HELZ: variants seen among roughly 807,000 people sequenced by gnomAD.
The protein encoded by HELZ is helicase with zinc finger, also known as ATP-dependent RNA helicase with zinc finger domain.
HELZ carries 23 observed loss-of-function variants against 218.2 expected under a neutral mutation model. That is an observed-to-expected ratio of 0.11 (90% CI 0.08 to 0.15). HELZ has a LOEUF of 0.15. HELZ is among the 10% of genes least tolerant of loss of function. The pLI, the probability that HELZ is intolerant of heterozygous loss-of-function variation, is 1.00. For synonymous variants in HELZ, 814 were observed against 829.4 expected, an observed-to-expected ratio of 0.98 and a Z score of 0.32; for missense variants, 1,813 against 2,353.7, an observed-to-expected ratio of 0.77 and a Z score of 4.75.
chr17:67,150,125 T>TATTTA, intron 18 of HELZ, 140 bp from the exon 19 acceptor site: 1 of 480,962 alleles, frequency 2.1e-6, no homozygotes, highest in Non-Finnish European at 3.6e-6. Context: ...TTATTTATTT[T>TATTTA]CTTTCTTTTT....
At chr17:67,092,892 CG>C (rs61667024) in intron 31 of HELZ, among the ~76,000 whole-genome samples, 175 of 147,608 alleles carry the variant, frequency 1.2e-3, no homozygotes, top group African/African-American at 3.7e-3. Flanking sequence ...TTGAAACCGG[CG>C]GGGGGGGGAA....
intron 9 of HELZ, among the ~76,000 whole-genome samples, chr17:67,192,915 A>C (rs1265851573): frequency 6.6e-6 from 1 of 152,258 alleles, no homozygotes; most frequent in African/African-American, 2.4e-5. Flanking sequence ...TAAATTCTAC[A>C]TAAGAATTAC....
At chr17:67,111,554 T>C (rs2037280331) in intron 28 of HELZ, among the ~76,000 whole-genome samples, 1 of 152,158 alleles carries the variant, frequency 6.6e-6, no homozygotes, top group South Asian at 2.1e-4. Context: ...GCAGCTGGGG[T>C]ACACTTGGTG....
At position 67,136,029 on chromosome 17, in the gene HELZ, T is replaced by G; in HGVS notation, c.3123A>C (p.Ala1041=). Residue 1041 remains alanine, a synonymous_variant, in exon 23 of 33, where the codon GCA becomes GCC. Coordinates refer to ENST00000358691, the MANE Select transcript of HELZ (RefSeq NM_014877.4). ...YKLLNTAITR[A]QSLVAVVGDP... is the part of the protein sequence containing the mutation. Reference sequence around the variant, plus strand: ...CACCCACCACAGCAACCAGGGATTGTGCTCTTGTGATGGCAGTATTGAGAA... The same window carrying G: ...CACCCACCACAGCAACCAGGGATTGGGCTCTTGTGATGGCAGTATTGAGAA... The G allele has an allele frequency of 6.2e-7, 1 of 1,613,984 alleles. No individual in the cohort carries two copies. Among genetic ancestry groups the G allele is most frequent in the East Asian group, 2.2e-5 (1 of 44,836 alleles).
At chr17:67,130,990 AG>A (rs141146374) in intron 23 of HELZ, among the ~76,000 whole-genome samples, 1,605 of 152,278 alleles carry the variant, frequency 0.011, 31 homozygotes, top group African/African-American at 0.036. Flanking sequence ...CCTGGGCTCA[AG>A]CCTCTCGCCT....
At chr17:67,098,676 G>A (rs567932568) in intron 31 of HELZ, among the ~76,000 whole-genome samples, 3 of 152,162 alleles carry the variant, frequency 2.0e-5, no homozygotes, top group African/African-American at 7.2e-5. Context: ...CCTGGCAGGC[G>A]GAGGTTGCAG....
intron 31 of HELZ, among the ~76,000 whole-genome samples, chr17:67,089,475 G>A (rs1022613883): frequency 9.9e-5 from 15 of 151,632 alleles, no homozygotes; most frequent in South Asian, 4.2e-4. Context: ...AGCAGGCTCC[G>A]GGGAAGTATT....
intron 2 of HELZ, among the ~76,000 whole-genome samples, chr17:67,240,735 A>G (rs1447095844): frequency 6.6e-6 from 1 of 152,228 alleles, no homozygotes; most frequent in East Asian, 1.9e-4. Flanking sequence ...TTTTTTGTTC[A>G]AAGACAAGAT....
intron 3 of HELZ, among the ~76,000 whole-genome samples, chr17:67,239,150 C>T (rs532833238): frequency 3.3e-5 from 5 of 152,332 alleles, no homozygotes; most frequent in South Asian, 2.1e-4. Flanking sequence ...TCCAATAGCA[C>T]GCAGATAAGC....
At chr17:67,215,133 G>C (rs966463080) in intron 5 of HELZ, among the ~76,000 whole-genome samples, 1 of 151,720 alleles carries the variant, frequency 6.6e-6, no homozygotes, top group African/African-American at 2.4e-5. Context: ...GACAGAGCAA[G>C]ACTCTGTCTC....
chr17:67,211,976 A>T (rs1192251821), intron 5 of HELZ, among the ~76,000 whole-genome samples: 2 of 152,136 alleles, frequency 1.3e-5, no homozygotes, highest in Non-Finnish European at 2.9e-5. Flanking sequence ...GTAGGTCAGA[A>T]GCTGCAAGTG....
chr17:67,204,360 C>T lies in HELZ; in HGVS notation c.248-917G>A, dbSNP rs1389131158. On this transcript the variant is annotated intron_variant, in intron 5 of 32. Transcript: ENST00000358691. ...AGTTCATCATAATCTCACTACTCAA[C>T]GAAGTTTTCACTTACTCATTTTCTC... Among the ~76,000 whole-genome samples the T allele has an allele frequency of 3.3e-5, 5 of 152,120 alleles. No individual in the cohort carries two copies. The East Asian group carries it at 7.7e-4, about 23-fold the overall frequency.
At chr17:67,107,782 C>A in intron 30 of HELZ, 97 bp from the exon 31 acceptor site, 1 of 1,055,328 alleles carries the variant, frequency 9.5e-7, no homozygotes, top group South Asian at 1.6e-5. Flanking sequence ...CAAACAAAAT[C>A]ATAGTACTAA....
Position 67,078,072 on chromosome 17 carries a change from AAAT to A in HELZ, c.*177_*179del, listed in dbSNP as rs1334954480. On this transcript the variant is annotated 3_prime_UTR_variant, in exon 33 of 33. Coordinates refer to ENST00000358691, the MANE Select transcript of HELZ (RefSeq NM_014877.4). ...AAAGTTTTGACACATCAAAAATGCAAAATAATGGAATATACTTTAAAAAAATTA... is the reference window on the plus strand; with the variant it reads ...AAAGTTTTGACACATCAAAAATGCAAAATGGAATATACTTTAAAAAAATTA... 3 of 527,048 alleles carry A rather than the reference AAAT, an allele frequency of 5.7e-6. No homozygotes were observed. The highest frequency in any genetic ancestry group is 1.0e-5 in the Non-Finnish European group (3 of 299,936). The allele number at this position is 527,048 out of a possible 1,614,324, so 32.6% of individuals were successfully genotyped here. A position where few individuals can be genotyped will look rare whatever the true frequency, so the allele number is the denominator to read the frequency against.
intron 4 of HELZ, among the ~76,000 whole-genome samples, chr17:67,217,214 T>C (rs576077773): frequency 2.8e-4 from 43 of 152,312 alleles, no homozygotes; most frequent in South Asian, 2.7e-3. Context: ...TAACCTCAGT[T>C]GAAGGAAACA....
chr17:67,235,509 A>C (rs1433359408), intron 3 of HELZ, among the ~76,000 whole-genome samples: 1 of 151,762 alleles, frequency 6.6e-6, no homozygotes, highest in Non-Finnish European at 1.5e-5. Context: ...CCTCACAAAA[A>C]AAAAAAAAAG....
At chr17:67,104,788 A>C (rs2037045944) in intron 31 of HELZ, among the ~76,000 whole-genome samples, 1 of 152,236 alleles carries the variant, frequency 6.6e-6, no homozygotes, top group African/African-American at 2.4e-5. Flanking sequence ...GCACATGCAA[A>C]GATGTCAACA....
At chr17:67,081,246 T>C (rs1325159894) in intron 32 of HELZ, among the ~76,000 whole-genome samples, 1 of 152,096 alleles carries the variant, frequency 6.6e-6, no homozygotes. Context: ...ACTACCCAAT[T>C]AGGTAAAAGA....
rs76642439 is a variant in HELZ, at chr17:67,137,004, C to A, written c.2954-806G>T. Among the ~76,000 whole-genome samples, 16 of 152,144 alleles carry A rather than the reference C, an allele frequency of 1.1e-4. No homozygotes were observed. In the East Asian group the frequency reaches 3.1e-3, roughly 29 times the overall value. ...TTTTAATGATACTATTGGAACCAACCTTAAAATTATCTAGTCCCAGGTTCC... is the reference window on the plus strand; with the variant it reads ...TTTTAATGATACTATTGGAACCAACATTAAAATTATCTAGTCCCAGGTTCC... On this transcript the variant is annotated intron_variant, in intron 22 of 32. Coordinates refer to ENST00000358691, the MANE Select transcript of HELZ (RefSeq NM_014877.4).
Sources: allele counts gnomAD v4.1 joint callset (sites outside exome capture counted in the v4.1 genomes callset), GRCh38; gene constraint gnomAD v4.1.1; transcripts MANE v1.5; gene names NCBI Gene and HGNC (gene_info 2026-07-23, HGNC 2026-07-21).